Variants in NOX3 observed in about 807,000 individuals in gnomAD.
NOX3 encodes NADPH oxidase 3.
Under a neutral mutation model 76.7 loss-of-function variants are expected in NOX3, and 74 were observed. The observed-to-expected ratio is 0.96, with a 90% CI of 0.80 to 1.17. NOX3 has a LOEUF of 1.17. NOX3 is among the 50% of genes most tolerant of loss of function. NOX3 has a pLI of 0.00. For synonymous variants in NOX3, 263 were observed against 261.1 expected (o/e 1.01, Z -0.07); for missense variants, 695 against 703.3 (o/e 0.99, Z 0.13).
At chr6:155,438,534 C>T (rs1776939789) in intron 6 of NOX3, among the ~76,000 whole-genome samples, 1 of 152,178 alleles carries the variant, frequency 6.6e-6, no homozygotes, top group Non-Finnish European at 1.5e-5. Flanking sequence ...CGGGAGAAGT[C>T]TTAGGCACAG....
chr6:155,411,682 G>A (rs1776553999), intron 10 of NOX3, among the ~76,000 whole-genome samples: 1 of 152,188 alleles, frequency 6.6e-6, no homozygotes, highest in Admixed American at 6.5e-5. Flanking sequence ...AACTAGCTGT[G>A]CCTTTCACTG....
chr6:155,421,682 G>A (rs1305185853), intron 10 of NOX3, among the ~76,000 whole-genome samples: 1 of 152,110 alleles, frequency 6.6e-6, no homozygotes, highest in East Asian at 1.9e-4. Context: ...CAGAGATGAT[G>A]TCTCTCTATG....
At chr6:155,430,596 G>C (rs1776819287) in intron 8 of NOX3, among the ~76,000 whole-genome samples, 1 of 151,960 alleles carries the variant, frequency 6.6e-6, no homozygotes, top group African/African-American at 2.4e-5. Flanking sequence ...AGACAAAGCA[G>C]ATCATTCCAG....
At chr6:155,455,664 G>A (rs1211841576) in intron 1 of NOX3, 89 bp downstream of exon 1, 4 of 955,686 alleles carry the variant, frequency 4.2e-6, no homozygotes, top group Non-Finnish European at 6.6e-6. Context: ...AATACTTCAA[G>A]CTATTTAGCG....
intron 10 of NOX3, among the ~76,000 whole-genome samples, chr6:155,413,469 C>T (rs1776580914): frequency 6.6e-6 from 1 of 151,294 alleles, no homozygotes; most frequent in Non-Finnish European, 1.5e-5. Flanking sequence ...CAGCAGGTGG[C>T]AGGATCTCTC....
At chr6:155,430,037 A>G (rs1776811623) in intron 8 of NOX3, among the ~76,000 whole-genome samples, 1 of 152,220 alleles carries the variant, frequency 6.6e-6, no homozygotes, top group Non-Finnish European at 1.5e-5. Flanking sequence ...CAGAAATAGG[A>G]AGCAATTTCT....
In NOX3 at chr6:155,426,984, C is replaced by CGTGT. The variant is rs764029957; in HGVS notation, c.1145+1806_1145+1809dup. Among the ~76,000 whole-genome samples, 151 of 41,876 alleles carry CGTGT rather than the reference C, an allele frequency of 3.6e-3. 1 individual carries two copies. The highest frequency in any genetic ancestry group is 0.029 in the East Asian group (18 of 622). The allele number at this position is 41,876 out of a possible 152,430, so 27.5% of individuals were successfully genotyped here. ...CCGAGAAAGCAGTTAGACACTGTGG[C>CGTGT]GTGTGTGTGTGTGTGTGTGTGTGTG... is the stretch of plus-strand genomic sequence containing the variant. On this transcript the variant is annotated intron_variant, in intron 9 of 13. Transcript: ENST00000159060.
chr6:155,451,248 G>C (rs140948769), intron 4 of NOX3, among the ~76,000 whole-genome samples: 5,123 of 152,166 alleles, frequency 0.034, 119 homozygotes, highest in African/African-American at 0.053. Context: ...CAAAGTGCTG[G>C]GATTACAGGC....
At chr6:155,438,013 G>A (rs1366859498) in intron 6 of NOX3, among the ~76,000 whole-genome samples, 3 of 152,098 alleles carry the variant, frequency 2.0e-5, no homozygotes, top group Non-Finnish European at 4.4e-5. Context: ...GATGTTATTT[G>A]GATATCAAAA....
At chr6:155,430,997 A>C (rs564817492) in intron 7 of NOX3, 62 bp from the exon 8 acceptor site, 13 of 1,080,700 alleles carry the variant, frequency 1.2e-5, no homozygotes, top group Non-Finnish European at 1.7e-5. Flanking sequence ...AATATTTTCA[A>C]TTTGAACCAA....
rs1776962313 is a variant in NOX3 at position 155,440,097 on chromosome 6, G to A, written c.527C>T (p.Thr176Ile). Residue 176 changes from threonine to isoleucine, a missense_variant, in exon 6 of 14, where the codon ACC becomes ATC. Transcript: ENST00000159060. ...TELLRTIAGV[T>I]GLVISLALVL... ...TAAAGCCAGAGAGATCACCAGACCG[G>A]TGACGCCTGCTATTGTCCTTAGCAA... 6.2e-7 allele frequency: 1 copy of A among 1,613,190 alleles called. No homozygotes were observed. The highest frequency in any genetic ancestry group is 8.5e-7 in the Non-Finnish European group (1 of 1,179,626).
chr6:155,454,987 C>T (rs1039660163), intron 2 of NOX3, 47 bp downstream of exon 2: 36 of 1,571,860 alleles, frequency 2.3e-5, no homozygotes, highest in Middle Eastern at 1.7e-4. Flanking sequence ...AAATAAAATG[C>T]ATTTTGTTTT....
rs375246251 is a variant in NOX3 at position 155,422,817 on chromosome 6, A to C, written c.1185T>G (p.Asp395Glu). 17 of 1,614,112 alleles carry C rather than the reference A, an allele frequency of 1.1e-5. No homozygotes were observed. The African/African-American group carries it at 1.2e-4, about 11-fold the overall frequency. The change falls in exon 10 of 14, where the codon GAT becomes GAG. Residue 395 changes from aspartate (D) to glutamate (E), a missense_variant. Transcript: ENST00000159060. ...ACACACACACTGGGTAGTGAAATAC[A>C]TCTGTCAGGGCAGTTCCAAAGGGCC... ...VDGPFGTALT[D>E]VFHYPVCVCV...
At chr6:155,403,942 T>A (rs1779267310) in intron 12 of NOX3, among the ~76,000 whole-genome samples, 2 of 151,506 alleles carry the variant, frequency 1.3e-5, no homozygotes, top group African/African-American at 4.9e-5. Context: ...AAATAAATAA[T>A]AAACAAACAA....
rs557701092 is a variant in NOX3 at position 155,401,177 on chromosome 6, C to T, written c.1581-4215G>A. Among the ~76,000 whole-genome samples the T allele has an allele frequency of 1.6e-4, 25 of 152,230 alleles. No homozygotes were observed. The South Asian group carries it at 5.0e-3, about 30-fold the overall frequency. On this transcript the variant is annotated intron_variant, in intron 12 of 13. Coordinates refer to ENST00000159060, the MANE Select transcript of NOX3 (RefSeq NM_015718.3). ...TAATGATAAATCCACCCTGTACTCA[C>T]CCATCTCTCCAATCCCCCCTACCAC...
rs1031479341 is a variant in NOX3 at position 155,423,404 on chromosome 6, G to A, written c.1146-548C>T. Among the ~76,000 whole-genome samples, 12 of 152,310 alleles carry A rather than the reference G, an allele frequency of 7.9e-5. 1 individual carries two copies. The highest frequency in any genetic ancestry group is 3.9e-4 in the Admixed American group (6 of 15,304). ...AATTTTGAAGTCATTTGTCAGTTATGTGGAACTTCTAAAACCCATTATTTT... is the reference window on the plus strand; with the variant it reads ...AATTTTGAAGTCATTTGTCAGTTATATGGAACTTCTAAAACCCATTATTTT... On this transcript the variant is annotated intron_variant, in intron 9 of 13. Coordinates refer to ENST00000159060, the MANE Select transcript of NOX3 (RefSeq NM_015718.3).
intron 9 of NOX3, among the ~76,000 whole-genome samples, chr6:155,423,107 C>T (rs935267572): frequency 6.6e-6 from 1 of 152,162 alleles, no homozygotes; most frequent in African/African-American, 2.4e-5. Context: ...TGACATCTCT[C>T]GCTATAGCTC....
chr6:155,455,532 C>T (rs1777203059), intron 1 of NOX3, among the ~76,000 whole-genome samples: 1 of 152,134 alleles, frequency 6.6e-6, no homozygotes, highest in South Asian at 2.1e-4. Flanking sequence ...AAACAAACTA[C>T]TTGACTTTAA....
Position 155,455,126 on chromosome 6 carries a change from A to G in NOX3, c.52T>C (p.Ser18Pro), listed in dbSNP as rs151011916. Residue 18 changes from serine (S) to proline (P), a missense_variant, in exon 2 of 14, where the codon TCA (serine) becomes CCA (proline). Physicochemically the swap from Ser to Pro is moderately conservative, Grantham distance 74 (BLOSUM62 -1). Coordinates refer to ENST00000159060, the MANE Select transcript of NOX3 (RefSeq NM_015718.3). ...NEGLSTILVL[S>P]WLGINFYLFI... is the part of the protein sequence containing the mutation. ...AGATAAAAATTTATTCCCAGCCATG[A>G]GAGCTAGAGTAGAAAGGAAAGAGAA... 199 of 1,604,444 alleles carry G rather than the reference A, an allele frequency of 1.2e-4. No homozygotes were observed. The African/African-American group carries it at 1.7e-3, about 14-fold the overall frequency.
Sources: gnomAD v4.1 joint callset for allele counts (sites outside exome capture counted in the v4.1 genomes callset) on GRCh38, gnomAD v4.1.1 for gene constraint, MANE v1.5 for transcripts, NCBI Gene and HGNC (gene_info 2026-07-23, HGNC 2026-07-21) for gene names.